Variants in KLF12 observed in about 807,000 individuals in gnomAD.
KLF12 encodes Krueppel-like factor 12.
In KLF12, 9 loss-of-function variants were observed where a neutral mutation model predicts 37.8. The observed-to-expected ratio is 0.24, with a 90% CI of 0.14 to 0.42. The LOEUF is 0.42. Ranked by LOEUF, KLF12 falls within the 10% of genes least tolerant of loss-of-function variation. The pLI is 1.00. For synonymous variants in KLF12, 208 were observed against 202.1 expected (o/e 1.03, Z -0.25); for missense variants, 411 against 516.0 (o/e 0.80, Z 1.97).
Position 73,917,463 on chromosome 13 carries a change from C to G in KLF12, c.123+26518G>C, listed in dbSNP as rs764651742. ...TTTTAAATACCTATGTTTTTGTACC[C>G]GCCCATACTGCTTATGACATACATA... On this transcript the variant is annotated intron_variant, in intron 3 of 7. Coordinates refer to ENST00000377669, the MANE Select transcript of KLF12 (RefSeq NM_007249.5). Among the ~76,000 whole-genome samples, 17 of 152,046 alleles carry G rather than the reference C, an allele frequency of 1.1e-4. 1 individual carries two copies. The highest frequency in any genetic ancestry group is 8.5e-4 in the Admixed American group (13 of 15,270).
At chr13:73,814,034 C>T (rs530675369) in intron 4 of KLF12, among the ~76,000 whole-genome samples, 48 of 139,842 alleles carry the variant, frequency 3.4e-4, no homozygotes, top group African/African-American at 1.3e-3. Flanking sequence ...GAGAGGGTTA[C>T]TTACTGTCAA....
At chr13:73,859,637 C>T (rs1346263598) in intron 3 of KLF12, among the ~76,000 whole-genome samples, 2 of 152,202 alleles carry the variant, frequency 1.3e-5, no homozygotes, top group Admixed American at 1.3e-4. Flanking sequence ...CAGTTACCAA[C>T]ATCATAATGT....
chr13:73,965,912 T>C (rs939654606), intron 2 of KLF12, among the ~76,000 whole-genome samples: 3 of 152,156 alleles, frequency 2.0e-5, no homozygotes, highest in South Asian at 4.1e-4. Flanking sequence ...AGCAGGCCAC[T>C]CTAATACTCT....
chr13:74,134,412 G>A (rs1358307188), upstream of KLF12, among the ~76,000 whole-genome samples: 1 of 151,940 alleles, frequency 6.6e-6, no homozygotes, highest in Non-Finnish European at 1.5e-5. Context: ...TGTGATGGTT[G>A]AAATCCCCTG....
intron 6 of KLF12, among the ~76,000 whole-genome samples, chr13:73,740,933 C>T (rs191070537): frequency 1.2e-4 from 19 of 152,242 alleles, no homozygotes; most frequent in African/African-American, 3.1e-4. Context: ...CCAGTGCTAA[C>T]GCAGTTTACA....
At position 73,773,179 on chromosome 13, in the gene KLF12, G is replaced by T. The variant is rs141771348; in HGVS notation, c.807-8179C>A. Among the ~76,000 whole-genome samples the T allele has an allele frequency of 8.7e-3, 1,332 of 152,240 alleles. 25 individuals carry two copies. Among genetic ancestry groups the T allele is most frequent in the African/African-American group, 0.03 (1,252 of 41,522 alleles). On this transcript the variant is annotated intron_variant, in intron 5 of 7. Coordinates refer to ENST00000377669, the MANE Select transcript of KLF12 (RefSeq NM_007249.5). ...AGTATCCTTAGCATATAAATCATAGGTGAGCCCTGAGCTTCATGGAGGCAG... is the reference window on the plus strand; with the variant it reads ...AGTATCCTTAGCATATAAATCATAGTTGAGCCCTGAGCTTCATGGAGGCAG...
intron 4 of KLF12, among the ~76,000 whole-genome samples, chr13:73,815,368 A>T (rs2138453288): frequency 6.6e-6 from 1 of 152,344 alleles, no homozygotes; most frequent in Middle Eastern, 3.4e-3. Context: ...GCTAACTTAT[A>T]TTAAAAGGGA....
chr13:73,912,573 C>T (rs145367914), intron 3 of KLF12, among the ~76,000 whole-genome samples: 1,536 of 152,064 alleles, frequency 0.01, 19 homozygotes, highest in Non-Finnish European at 0.013. Context: ...AAATTGCTGG[C>T]GAACACCAGA....
intron 2 of KLF12, among the ~76,000 whole-genome samples, chr13:73,979,184 C>T (rs1210392512): frequency 1.3e-5 from 2 of 152,208 alleles, no homozygotes; most frequent in African/African-American, 4.8e-5. Context: ...AATGATACCT[C>T]AAGGTAGGTT....
chr13:74,197,721 G>A, the KLF12 span, among the ~76,000 whole-genome samples: 2 of 152,188 alleles, frequency 1.3e-5, no homozygotes, highest in Admixed American at 1.3e-4. Flanking sequence ...AATAGTGATA[G>A]TTTTAAAACC....
intron 3 of KLF12, among the ~76,000 whole-genome samples, chr13:73,864,486 C>G (rs562352904): frequency 6.6e-6 from 1 of 152,006 alleles, no homozygotes; most frequent in Non-Finnish European, 1.5e-5. Context: ...AGATACACAA[C>G]AATTATATCA....
chr13:73,732,489 G>A (rs1877139773), intron 6 of KLF12, among the ~76,000 whole-genome samples: 1 of 152,064 alleles, frequency 6.6e-6, no homozygotes, highest in Admixed American at 6.5e-5. Flanking sequence ...GCTGCCTTAT[G>A]GGTACTTGTT....
chr13:74,118,159 T>C (rs950810355), intron 1 of KLF12, among the ~76,000 whole-genome samples: 19 of 152,194 alleles, frequency 1.2e-4, no homozygotes, highest in African/African-American at 4.6e-4. Context: ...ATTATATGTC[T>C]GAAATTAGTT....
At chr13:74,209,679 T>A in the KLF12 span, among the ~76,000 whole-genome samples, 1 of 152,188 alleles carries the variant, frequency 6.6e-6, no homozygotes, top group African/African-American at 2.4e-5. Flanking sequence ...TTGTAGGTTG[T>A]TCATTCACAA....
intron 5 of KLF12, 82 bp downstream of exon 5, chr13:73,813,070 G>A (rs528509757): frequency 1.4e-6 from 2 of 1,447,214 alleles, no homozygotes; most frequent in African/African-American, 1.4e-5. Context: ...TGACATGGCT[G>A]GGGGACAGGA....
At chr13:73,849,375 TAAAAA>T (rs574332239) in intron 3 of KLF12, among the ~76,000 whole-genome samples, 25,438 of 99,112 alleles carry the variant, frequency 0.26, 3,278 homozygotes, top group East Asian at 0.47. Context: ...GGAGACTCCA[TAAAAA>T]AAAAAAAAAA....
intron 6 of KLF12, among the ~76,000 whole-genome samples, chr13:73,738,018 AACAAACACACACAC>A (rs1440717202): frequency 8.8e-5 from 5 of 56,906 alleles, no homozygotes; most frequent in African/African-American, 5.5e-4. Flanking sequence ...CACTTCATTC[AACAAACACACACAC>A]ACACACACAC....
At chr13:74,121,293 C>G (rs1877620205) in intron 1 of KLF12, among the ~76,000 whole-genome samples, 1 of 152,056 alleles carries the variant, frequency 6.6e-6, no homozygotes, top group Admixed American at 6.5e-5. Context: ...TAAATTCTCC[C>G]ATACTTTTAT....
intron 3 of KLF12, among the ~76,000 whole-genome samples, chr13:73,881,744 A>T (rs1886992535): frequency 6.6e-6 from 1 of 152,264 alleles, no homozygotes; most frequent in South Asian, 2.1e-4. Context: ...TTACACTGAC[A>T]AACTTAAAAC....
Sources: gnomAD v4.1 joint callset for allele counts (sites outside exome capture counted in the v4.1 genomes callset) on GRCh38, gnomAD v4.1.1 for gene constraint, MANE v1.5 for transcripts, NCBI Gene and HGNC (gene_info 2026-07-23, HGNC 2026-07-21) for gene names.